The following UMAD1 variants were observed in gnomAD, a reference collection of about 807,000 sequenced individuals.
UMAD1 encodes UBAP1-MVB12-associated (UMA) domain containing 1.
A neutral mutation model predicts 6.1 loss-of-function variants in UMAD1; 8 were observed. The observed-to-expected ratio is 1.30, with a 90% CI of 0.76 to 2.35. The LOEUF is 2.35. Ranked by LOEUF, UMAD1 falls within the 30% of genes most tolerant of loss-of-function variation. The pLI, the probability that UMAD1 is intolerant of heterozygous loss-of-function variation, is 0.00. For missense variants in UMAD1, 130 were observed against 78.4 expected (o/e 1.66, Z -2.49); for synonymous variants, 56 against 31.4 (o/e 1.78, Z -2.61).
intron 2 of UMAD1, among the ~76,000 whole-genome samples, chr7:7,730,101 A>G (rs1254522421): frequency 1.3e-5 from 2 of 152,172 alleles, no homozygotes; most frequent in African/African-American, 2.4e-5. Context: ...GCATTCCTGG[A>G]AAAAATCACA....
intron 2 of UMAD1, among the ~76,000 whole-genome samples, chr7:7,731,491 C>CCAA (rs1554321024): frequency 0.013 from 1,792 of 134,474 alleles, 69 homozygotes; most frequent in African/African-American, 0.046. Context: ...AACCCCCCCC[C>CCAA]AAAAAAAAAA....
intron 2 of UMAD1, among the ~76,000 whole-genome samples, chr7:7,773,540 C>G (rs1033956566): frequency 1.3e-5 from 2 of 151,984 alleles, no homozygotes; most frequent in Non-Finnish European, 2.9e-5. Context: ...CTTTCAAGGT[C>G]AGAGGGAGCT....
intron 3 of UMAD1, among the ~76,000 whole-genome samples, chr7:7,826,682 G>C (rs1175625102): frequency 6.6e-6 from 1 of 151,868 alleles, no homozygotes; most frequent in Non-Finnish European, 1.5e-5. Context: ...AGGGGACTAG[G>C]GTAAAACCCA....
chr7:7,711,862 C>A (rs192686852), intron 2 of UMAD1, among the ~76,000 whole-genome samples: 34 of 152,030 alleles, frequency 2.2e-4, no homozygotes, highest in South Asian at 1.5e-3. Flanking sequence ...TTAAAAAGTC[C>A]CTTCTTGGAG....
intron 3 of UMAD1, among the ~76,000 whole-genome samples, chr7:7,806,470 A>G (rs575933700): frequency 6.6e-6 from 1 of 152,236 alleles, no homozygotes. Flanking sequence ...TTATGACCTC[A>G]GCAACTATCA....
At chr7:7,653,718 G>A (rs1216992601) in intron 1 of UMAD1, among the ~76,000 whole-genome samples, 1 of 152,182 alleles carries the variant, frequency 6.6e-6, no homozygotes, top group South Asian at 2.1e-4. Context: ...GCTGCTGAGT[G>A]GTTAATGTTG....
intron 3 of UMAD1, among the ~76,000 whole-genome samples, chr7:7,822,573 C>A (rs1369231069): frequency 1.3e-5 from 2 of 152,098 alleles, no homozygotes; most frequent in Non-Finnish European, 2.9e-5. Flanking sequence ...GCACACAGAC[C>A]ACTTGGTATC....
Position 7,877,788 on chromosome 7 carries a change from A to G in UMAD1, c.*250A>G. The G allele has an allele frequency of 2.3e-6, 1 of 440,078 alleles. No individual in the cohort carries two copies. Among genetic ancestry groups the G allele is most frequent in the Non-Finnish European group, 4.1e-6 (1 of 246,312 alleles). The allele number at this position is 440,078 out of a possible 1,614,324, so 27.3% of individuals were successfully genotyped here. ...TAGGCTATGAAGGTTTTAGGAAAGG[A>G]CTCGATTCCTTCAGATGGTCTCTCA... On this transcript the variant is annotated 3_prime_UTR_variant, in exon 4 of 4. Transcript: ENST00000682710.
chr7:7,682,457 G>C (rs1253518736), intron 2 of UMAD1, among the ~76,000 whole-genome samples: 1 of 152,036 alleles, frequency 6.6e-6, no homozygotes, highest in African/African-American at 2.4e-5. Context: ...AACTTTTAAA[G>C]GTAGTCTCTT....
intron 3 of UMAD1, among the ~76,000 whole-genome samples, chr7:7,842,948 GT>G (rs1401966558): frequency 4.6e-5 from 7 of 152,178 alleles, no homozygotes; most frequent in Non-Finnish European, 1.0e-4. Flanking sequence ...AGTAGGGTCT[GT>G]CCTGTGACTG....
At chr7:7,640,966 C>G (rs975336745) in intron 1 of UMAD1, 145 bp downstream of exon 1, 1 of 154,672 alleles carries the variant, frequency 6.5e-6, no homozygotes, top group African/African-American at 2.4e-5. Flanking sequence ...TGCTGTCTCG[C>G]CTTCCCTCTT....
rs1583857296 is a variant in UMAD1 at position 7,830,370 on chromosome 7, C to G, written c.156+28627C>G. On this transcript the variant is annotated intron_variant, in intron 3 of 3. Transcript: ENST00000682710. This position sits in a 1 kb window ranked among gnomAD's most constrained non-coding sequence, Gnocchi z 5.3. Reference sequence around the variant, plus strand: ...TAGAATGTGACTGTTTGCCCTGGAGCCTTTCCAGGTTCTCCCATCAGAAGT... The same window carrying G: ...TAGAATGTGACTGTTTGCCCTGGAGGCTTTCCAGGTTCTCCCATCAGAAGT... Among the ~76,000 whole-genome samples, 1 of 152,088 alleles carries G rather than the reference C, an allele frequency of 6.6e-6. No individual in the cohort carries two copies. The highest frequency in any genetic ancestry group is 1.9e-4 in the East Asian group (1 of 5,184).
At chr7:7,766,030 C>T (rs999921213) in intron 2 of UMAD1, among the ~76,000 whole-genome samples, 1 of 152,106 alleles carries the variant, frequency 6.6e-6, no homozygotes, top group East Asian at 1.9e-4. Context: ...CAGAATTAGC[C>T]TTCTGGTCAT....
chr7:7,874,931 C>T (rs1171148198), intron 3 of UMAD1, among the ~76,000 whole-genome samples: 3 of 152,022 alleles, frequency 2.0e-5, no homozygotes, highest in Non-Finnish European at 4.4e-5. Flanking sequence ...AAGTTACACC[C>T]TTATGAAGTA....
chr7:7,791,585 T>G (rs1011510870), intron 2 of UMAD1, among the ~76,000 whole-genome samples: 2 of 152,354 alleles, frequency 1.3e-5, no homozygotes, highest in African/African-American at 2.4e-5. Flanking sequence ...GTTAAACGGC[T>G]AAATTGATGT....
At chr7:7,804,109 G>T (rs1782857727) in intron 3 of UMAD1, among the ~76,000 whole-genome samples, 1 of 152,138 alleles carries the variant, frequency 6.6e-6, no homozygotes, top group African/African-American at 2.4e-5. Flanking sequence ...ACATACTCAT[G>T]CAGTAACAGA....
intron 3 of UMAD1, among the ~76,000 whole-genome samples, chr7:7,874,429 T>G (rs1275641054): frequency 6.6e-6 from 1 of 152,232 alleles, no homozygotes; most frequent in Non-Finnish European, 1.5e-5. Flanking sequence ...TTTTTTCATC[T>G]AACATGCAAC....
intron 1 of UMAD1, among the ~76,000 whole-genome samples, chr7:7,653,579 A>G (rs185874326): frequency 1.3e-5 from 2 of 152,366 alleles, no homozygotes; most frequent in East Asian, 1.9e-4. Context: ...ACCCATTCAC[A>G]GAGGAGTTAC....
chr7:7,668,221 C>T (rs942472748), intron 1 of UMAD1, among the ~76,000 whole-genome samples: 1 of 152,116 alleles, frequency 6.6e-6, no homozygotes, highest in Non-Finnish European at 1.5e-5. Context: ...TCCTACTTTA[C>T]TTCTTTTACT....
Sources: allele counts gnomAD v4.1 joint callset (sites outside exome capture counted in the v4.1 genomes callset), GRCh38; gene constraint gnomAD v4.1.1; non-coding constraint Gnocchi (gnomAD v3.1); transcripts MANE v1.5; gene names NCBI Gene and HGNC (gene_info 2026-07-23, HGNC 2026-07-21).